Variants in ARHGAP11A observed in about 807,000 individuals in gnomAD.
ARHGAP11A encodes the protein rho GTPase-activating protein 11A.
A neutral mutation model predicts 60.5 loss-of-function variants in ARHGAP11A; 36 were observed. The observed-to-expected ratio is 0.59, with a 90% CI of 0.46 to 0.79. The LOEUF (loss-of-function observed/expected upper bound fraction) is 0.79. Among genes scored for constraint, ARHGAP11A ranks in the 30% least tolerant of loss-of-function variants. The probability of loss-of-function intolerance (pLI) is 0.00; values close to 1 mark genes in which losing one functional copy is unlikely to be tolerated. For missense variants in ARHGAP11A, 1,071 were observed against 1,199.2 expected (o/e 0.89, Z 1.58); for synonymous variants, 362 against 415.5 (o/e 0.87, Z 1.57).
intron 2 of ARHGAP11A, among the ~76,000 whole-genome samples, chr15:32,622,777 T>C (rs1258848218): frequency 6.6e-6 from 1 of 152,106 alleles, no homozygotes; most frequent in Non-Finnish European, 1.5e-5. Flanking sequence ...CCTACTTTTC[T>C]GAGGGATAAT....
chr15:32,635,752 C>T (rs1555431291), intron 10 of ARHGAP11A, 25 bp from the exon 11 acceptor site: 8 of 1,471,518 alleles, frequency 5.4e-6, no homozygotes, highest in African/African-American at 1.4e-5. Flanking sequence ...TATTTCTTAA[C>T]TAAAACTTTT....
intron 8 of ARHGAP11A, among the ~76,000 whole-genome samples, 179 bp downstream of exon 8, chr15:32,629,941 AGTGTGTGTGT>A (rs376208322): frequency 3.0e-5 from 3 of 101,664 alleles, no homozygotes; most frequent in East Asian, 2.6e-4. Context: ...GTTTCAATAT[AGTGTGTGTGT>A]GTGTGTGTGT....
intron 6 of ARHGAP11A, among the ~76,000 whole-genome samples, chr15:32,627,398 A>G (rs2053484656): frequency 6.6e-6 from 1 of 151,910 alleles, no homozygotes; most frequent in Admixed American, 6.6e-5. Context: ...ATGTCGTATA[A>G]GATTCTATCT....
At chr15:32,631,762 A>G (rs893403758) in intron 8 of ARHGAP11A, among the ~76,000 whole-genome samples, 4 of 151,850 alleles carry the variant, frequency 2.6e-5, no homozygotes, top group Non-Finnish European at 4.4e-5. Context: ...TACAACATCC[A>G]CCTCCGATGT....
At chr15:32,617,799 T>C (rs1421955606) in intron 1 of ARHGAP11A, among the ~76,000 whole-genome samples, 3 of 152,214 alleles carry the variant, frequency 2.0e-5, no homozygotes, top group Non-Finnish European at 4.4e-5. Context: ...GAAAAACTGT[T>C]GCCTGTTTTC....
In ARHGAP11A at chr15:32,635,928, A is replaced by G; in HGVS notation, c.1483+13A>G. 2 of 1,589,622 alleles carry G rather than the reference A, an allele frequency of 1.3e-6. No individual in the cohort carries two copies. The highest frequency in any genetic ancestry group is 1.7e-6 in the Non-Finnish European group (2 of 1,170,980). On this transcript the variant is annotated intron_variant, in intron 11 of 11. Transcript: ENST00000361627. ...TTACCAAAGAAAGGTACATTTACAT[A>G]CTACTGTTAGAGTTTTACCTAAAAA...
In ARHGAP11A at chr15:32,636,921, A is replaced by C. The variant is rs2053730519; in HGVS notation, c.2148A>C (p.Glu716Asp). Residue 716 changes from glutamate to aspartate, a missense_variant, in exon 12 of 12, where the codon GAA (glutamate) becomes GAC (aspartate). Glu to Asp is a conservative substitution (Grantham distance 45). Around this residue, in one of 4 missense-constraint regions of ARHGAP11A, gnomAD observed 776 missense variants for 760.2 expected, o/e 1.02. Coordinates refer to ENST00000361627, the MANE Select transcript of ARHGAP11A (RefSeq NM_014783.6). ...NMPKDYLSKQ[E>D]FSSDEEIKKQ... ...CAAAAGATTATTTAAGCAAGCAAGA[A>C]TTCTCCAGTGATGAAGAAATAAAGA... 2 of 1,612,638 alleles carry C rather than the reference A, an allele frequency of 1.2e-6. No individual in the cohort carries two copies. Among genetic ancestry groups the C allele is most frequent in the Admixed American group, 1.7e-5 (1 of 59,806 alleles).
At chr15:32,635,024 G>A (rs1293046657) in intron 10 of ARHGAP11A, among the ~76,000 whole-genome samples, 1 of 152,182 alleles carries the variant, frequency 6.6e-6, no homozygotes, top group Non-Finnish European at 1.5e-5. Context: ...GTTAGGTTAT[G>A]TAGTTTTCTG....
rs770932481 is a variant in ARHGAP11A at position 32,637,817 on chromosome 15, T to C, written c.3044T>C (p.Leu1015Pro). Residue 1015 changes from leucine to proline, a missense_variant, in exon 12 of 12, where the codon CTA becomes CCA. Leu to Pro is a moderately conservative substitution (Grantham distance 98). This residue lies in a region of ARHGAP11A where 776 missense variants were observed against 760.2 expected (regional missense o/e 1.02). Coordinates refer to ENST00000361627, the MANE Select transcript of ARHGAP11A (RefSeq NM_014783.6). Reference sequence around the variant, plus strand: ...CATCCTATCGGAAAAACTCAATTACTACCAACAAGTAAACCTGTAGATTTG... The same window carrying C: ...CATCCTATCGGAAAAACTCAATTACCACCAACAAGTAAACCTGTAGATTTG... Reference protein sequence around the residue: ...PKHPIGKTQLLPTSKPVDL With the variant: ...PKHPIGKTQLPPTSKPVDL 1.7e-5 allele frequency: 28 copies of C among 1,603,160 alleles called. No individual in the cohort carries two copies. In the South Asian group the frequency reaches 2.8e-4, roughly 16 times the overall value.
At chr15:32,620,203 G>A (rs1215115016) in intron 2 of ARHGAP11A, 25 bp downstream of exon 2, 1 of 1,596,172 alleles carries the variant, frequency 6.3e-7, no homozygotes, top group Non-Finnish European at 8.5e-7. Context: ...AAATGAAGAA[G>A]GCCGGGTGCA....
In ARHGAP11A at chr15:32,639,526, A is replaced by G. The variant is rs903738295; in HGVS notation, c.*1681A>G. ...TTTAAAAATGCATTAACGTCTTTTT[A>G]TATCCATCAAGGGAAGGATGAAATG... On this transcript the variant is annotated 3_prime_UTR_variant, in exon 12 of 12. Transcript: ENST00000361627. 2 of 152,238 alleles carry G rather than the reference A, an allele frequency of 1.3e-5. No homozygotes were observed. Among genetic ancestry groups the G allele is most frequent in the African/African-American group, 4.8e-5 (2 of 41,466 alleles). The allele number at this position is 152,238 out of a possible 1,614,324, so 9.4% of individuals were successfully genotyped here. A position where few individuals can be genotyped will look rare whatever the true frequency, so the allele number is the denominator to read the frequency against.
rs973798548 is a variant in ARHGAP11A, at chr15:32,624,269, A to G, written c.394A>G (p.Ile132Val). ...GTTTTTTAGGGAACTGCCAGAGCCC[A>G]TTCTCCCAGCTGATTTGCATGAAGC... is the stretch of plus-strand genomic sequence containing the variant. The part of the protein sequence containing the change: ...KQFFRELPEP[I>V]LPADLHEALL... The change falls in exon 4 of 12, where the codon ATT becomes GTT. Residue 132 changes from isoleucine (I) to valine (V), a missense_variant. By Grantham distance (29) the Ile-to-Val change is conservative (BLOSUM62 3). Around this residue, in one of 4 missense-constraint regions of ARHGAP11A, gnomAD observed 71 missense variants for 142.4 expected, o/e 0.50. Coordinates refer to ENST00000361627, the MANE Select transcript of ARHGAP11A (RefSeq NM_014783.6). The G allele has an allele frequency of 1.2e-6, 2 of 1,613,622 alleles. No individual in the cohort carries two copies. Among genetic ancestry groups the G allele is most frequent in the Non-Finnish European group, 1.7e-6 (2 of 1,179,790 alleles).
At position 32,636,654 on chromosome 15, in the gene ARHGAP11A, A is replaced by G. The variant is rs1033200713; in HGVS notation, c.1881A>G (p.Val627=). 6.2e-7 allele frequency: 1 copy of G among 1,613,922 alleles called. No individual in the cohort carries two copies. Reference sequence around the variant, plus strand: ...CATCAGTAACTAATGTGGGGAAAGTAAAATTAACTGAACCATCTTATTTAG... The same window carrying G: ...CATCAGTAACTAATGTGGGGAAAGTGAAATTAACTGAACCATCTTATTTAG... The part of the protein sequence containing the change: ...RQSSVTNVGK[V]KLTEPSYLED... The change falls in exon 12 of 12, where the codon GTA becomes GTG. Residue 627 remains valine, a synonymous_variant. Coordinates refer to ENST00000361627, the MANE Select transcript of ARHGAP11A (RefSeq NM_014783.6).
chr15:32,629,647 G>T lies in ARHGAP11A; in HGVS notation c.990G>T (p.Leu330Phe), dbSNP rs149174992. ...VILTPNAKRTLPVDSSHGFSS... is the reference protein window; with the variant it reads ...VILTPNAKRTFPVDSSHGFSS... The stretch of plus-strand genomic sequence containing the variant: ...TTACACCAAATGCTAAGCGTACATT[G>T]CCAGTAGATTCTTCTCATGGTTTCT... Residue 330 changes from leucine (L) to phenylalanine (F), a missense_variant, in exon 8 of 12, where the codon TTG (leucine) becomes TTT (phenylalanine). Coordinates refer to ENST00000361627, the MANE Select transcript of ARHGAP11A (RefSeq NM_014783.6). The T allele has an allele frequency of 6.9e-5, 112 of 1,613,314 alleles. No individual in the cohort carries two copies. Among genetic ancestry groups the T allele is most frequent in the Non-Finnish European group, 8.5e-5 (100 of 1,179,718 alleles).
chr15:32,621,134 A>ATTATGTT (rs1567049357), intron 2 of ARHGAP11A, among the ~76,000 whole-genome samples: 2 of 113,564 alleles, frequency 1.8e-5, no homozygotes, highest in African/African-American at 3.4e-5. Context: ...GTGAAAATGT[A>ATTATGTT]TCACTTAGCT....
intron 6 of ARHGAP11A, among the ~76,000 whole-genome samples, chr15:32,626,422 C>T (rs116133101): frequency 0.018 from 2,743 of 152,252 alleles, 98 homozygotes; most frequent in African/African-American, 0.063. Flanking sequence ...ATCAAGAAGT[C>T]AGAGGCCATT....
intron 8 of ARHGAP11A, among the ~76,000 whole-genome samples, chr15:32,632,194 A>C (rs2053601448): frequency 6.6e-6 from 1 of 152,200 alleles, no homozygotes; most frequent in Non-Finnish European, 1.5e-5. Context: ...GAGAGGGTTC[A>C]TGTTTGTTGA....
At chr15:32,621,760 T>A (rs1269021746) in intron 2 of ARHGAP11A, among the ~76,000 whole-genome samples, 2 of 150,152 alleles carry the variant, frequency 1.3e-5, no homozygotes, top group African/African-American at 4.9e-5. Context: ...AGGCGGAGCT[T>A]GCAGTGAGCC....
chr15:32,633,179 G>T (rs1595773848), intron 9 of ARHGAP11A, 71 bp downstream of exon 9: 1 of 1,528,996 alleles, frequency 6.5e-7, no homozygotes, highest in Non-Finnish European at 8.9e-7. Context: ...AAAATGTTTT[G>T]TCTTTCTGTC....
Sources: allele counts gnomAD v4.1 joint callset (sites outside exome capture counted in the v4.1 genomes callset), GRCh38; gene constraint gnomAD v4.1.1; regional missense constraint gnomAD v4.1.1; transcripts MANE v1.5; gene names NCBI Gene and HGNC (gene_info 2026-07-23, HGNC 2026-07-21).